The following FARS2 variants were observed in gnomAD, a reference collection of about 807,000 sequenced individuals.
FARS2 encodes phenylalanyl-tRNA synthetase 2, mitochondrial, also known as phenylalanine--tRNA ligase, mitochondrial.
A neutral mutation model predicts 46.4 loss-of-function variants in FARS2; 40 were observed. The observed-to-expected ratio is 0.86, with a 90% CI of 0.67 to 1.12. The LOEUF (loss-of-function observed/expected upper bound fraction) is 1.12. FARS2 is among the 50% of genes most tolerant of loss of function. The pLI, the probability that FARS2 is intolerant of heterozygous loss-of-function variation, is 0.00. For synonymous variants in FARS2, 234 were observed against 214.9 expected (o/e 1.09, Z -0.78); for missense variants, 513 against 567.9 (o/e 0.90, Z 0.98).
chr6:5,543,943 G>C (rs560212696), intron 4 of FARS2, among the ~76,000 whole-genome samples: 2 of 147,352 alleles, frequency 1.4e-5, no homozygotes, highest in South Asian at 4.3e-4. Context: ...AGCACGAATT[G>C]ACTATATCAT....
intron 5 of FARS2, among the ~76,000 whole-genome samples, chr6:5,569,661 C>T (rs1435594146): frequency 3.3e-5 from 5 of 152,182 alleles, no homozygotes; most frequent in Non-Finnish European, 5.9e-5. Context: ...GCCCAAGTGA[C>T]AACTCAGGCC....
At chr6:5,410,157 G>GTT (rs67469826) in intron 3 of FARS2, among the ~76,000 whole-genome samples, 4 of 136,828 alleles carry the variant, frequency 2.9e-5, no homozygotes, top group East Asian at 2.1e-4. Context: ...GTGTTTTTTT[G>GTT]TTTTTTTTTT....
chr6:5,658,710 T>C (rs1283446383), intron 6 of FARS2, among the ~76,000 whole-genome samples: 1 of 152,238 alleles, frequency 6.6e-6, no homozygotes, highest in African/African-American at 2.4e-5. Flanking sequence ...TAGCAAAATG[T>C]ATGACTGGAT....
At chr6:5,610,066 C>T in intron 5 of FARS2, 1 of 914,726 alleles carries the variant, frequency 1.1e-6, no homozygotes, top group South Asian at 1.3e-5. Context: ...TCTCTCATTA[C>T]CACACAGTCC....
chr6:5,362,226 A>C (rs1373752352), intron 1 of FARS2, among the ~76,000 whole-genome samples: 1 of 152,184 alleles, frequency 6.6e-6, no homozygotes, highest in East Asian at 1.9e-4. Flanking sequence ...AATTGCTGCC[A>C]TTTATTGAGT....
intron 6 of FARS2, among the ~76,000 whole-genome samples, chr6:5,741,019 A>T (rs1035241901): frequency 6.6e-6 from 1 of 152,158 alleles, no homozygotes; most frequent in South Asian, 2.1e-4. Context: ...AGTCAGTGCT[A>T]ACACAGACTG....
In FARS2 at chr6:5,764,485, G is replaced by C. The variant is rs987688312; in HGVS notation, c.1218-6806G>C. 2.6e-5 allele frequency among the ~76,000 whole-genome samples: 4 copies of C among 152,160 alleles called. No individual in the cohort carries two copies. The highest frequency in any genetic ancestry group is 7.2e-5 in the African/African-American group (3 of 41,428). On this transcript the variant is annotated intron_variant, in intron 6 of 6. Coordinates refer to ENST00000274680, the MANE Select transcript of FARS2 (RefSeq NM_006567.5). The surrounding 1 kb of genome is among the most constrained non-coding windows in gnomAD (Gnocchi z 4.1). The stretch of plus-strand genomic sequence containing the variant: ...GTGGGCAGCTCCAGACTGAGCTTCT[G>C]CATCAGACAAGCAGGAGACAGATGA...
intron 5 of FARS2, among the ~76,000 whole-genome samples, chr6:5,587,957 C>T (rs2150595688): frequency 6.6e-6 from 1 of 152,202 alleles, no homozygotes; most frequent in Non-Finnish European, 1.5e-5. Flanking sequence ...TATGAAACAA[C>T]ATATTTTAAG....
At chr6:5,717,935 T>TATAGAGAGAGAGAGAGAGAG (rs546191530) in intron 6 of FARS2, among the ~76,000 whole-genome samples, 1 of 135,628 alleles carries the variant, frequency 7.4e-6, no homozygotes, top group African/African-American at 3.1e-5. Context: ...TATATATATA[T>TATAGAGAGAGAGAGAGAGAG]ACAGAGTCTC....
intron 2 of FARS2, among the ~76,000 whole-genome samples, chr6:5,399,174 T>TATTATC (rs1357468160): frequency 3.1e-4 from 21 of 67,672 alleles, no homozygotes; most frequent in African/African-American, 7.4e-4. Context: ...TTATTATTAT[T>TATTATC]ATCATCATCA....
intron 2 of FARS2, among the ~76,000 whole-genome samples, chr6:5,398,768 C>T (rs2432783): frequency 0.078 from 11,908 of 152,174 alleles, 938 homozygotes; most frequent in African/African-American, 0.2. Context: ...GCCAACACCA[C>T]ATGGCTCATT....
intron 6 of FARS2, among the ~76,000 whole-genome samples, chr6:5,697,851 T>G (rs1186528782): frequency 6.6e-6 from 1 of 152,138 alleles, no homozygotes; most frequent in Non-Finnish European, 1.5e-5. Flanking sequence ...GAAAAGAATA[T>G]CAAGCTAAAT....
At chr6:5,282,289 G>A (rs1297043536) in intron 1 of FARS2, among the ~76,000 whole-genome samples, 4 of 152,216 alleles carry the variant, frequency 2.6e-5, no homozygotes, top group African/African-American at 9.6e-5. Flanking sequence ...TGCCGTGGCT[G>A]CTTAGAAGGA....
At chr6:5,626,981 A>G (rs1776065630) in intron 6 of FARS2, among the ~76,000 whole-genome samples, 1 of 152,202 alleles carries the variant, frequency 6.6e-6, no homozygotes, top group Non-Finnish European at 1.5e-5. Context: ...TTGTAACACA[A>G]TGTTAAGTAC....
intron 1 of FARS2, among the ~76,000 whole-genome samples, chr6:5,327,502 T>G (rs763276067): frequency 5.9e-5 from 9 of 152,146 alleles, no homozygotes; most frequent in Non-Finnish European, 1.2e-4. Flanking sequence ...TGAATATGTC[T>G]CATGAAATCT....
chr6:5,635,690 G>A (rs1268170462), intron 6 of FARS2, among the ~76,000 whole-genome samples: 4 of 152,166 alleles, frequency 2.6e-5, no homozygotes, highest in African/African-American at 9.7e-5. Context: ...GCAGGGTGGC[G>A]TTGGATGAGA....
chr6:5,651,734 G>A (rs1347898523), intron 6 of FARS2, among the ~76,000 whole-genome samples: 1 of 152,120 alleles, frequency 6.6e-6, no homozygotes, highest in Non-Finnish European at 1.5e-5. Flanking sequence ...GTGTATTAAC[G>A]ATTAAATCCT....
chr6:5,275,047 T>G (rs1766241571), intron 1 of FARS2, among the ~76,000 whole-genome samples: 1 of 152,192 alleles, frequency 6.6e-6, no homozygotes, highest in Non-Finnish European at 1.5e-5. Context: ...AAAATAGAAC[T>G]TCCCCGCTTC....
chr6:5,534,433 TC>T (rs1770057434), intron 4 of FARS2, among the ~76,000 whole-genome samples: 1 of 152,154 alleles, frequency 6.6e-6, no homozygotes, highest in African/African-American at 2.4e-5. Flanking sequence ...AAGCATTAAC[TC>T]CCCATTCCAT....
Sources: allele counts gnomAD v4.1 joint callset (sites outside exome capture counted in the v4.1 genomes callset), GRCh38; gene constraint gnomAD v4.1.1; non-coding constraint Gnocchi (gnomAD v3.1); transcripts MANE v1.5; gene names NCBI Gene and HGNC (gene_info 2026-07-23, HGNC 2026-07-21).